The following CNTN5 variants were observed in gnomAD, a reference collection of about 807,000 sequenced individuals.
CNTN5 encodes the protein contactin-5.
In CNTN5, 77 loss-of-function variants were observed where a neutral mutation model predicts 129.1. That is an observed-to-expected ratio of 0.60 (90% CI 0.50 to 0.72). The LOEUF (loss-of-function observed/expected upper bound fraction) is 0.72. Ranked by LOEUF, CNTN5 falls within the 30% of genes least tolerant of loss-of-function variation. The pLI, the probability that CNTN5 is intolerant of heterozygous loss-of-function variation, is 0.00. For missense variants in CNTN5, 1,478 were observed against 1,328.8 expected (o/e 1.11, Z -1.75); for synonymous variants, 509 against 465.6 (o/e 1.09, Z -1.20).
intron 3 of CNTN5, among the ~76,000 whole-genome samples, chr11:99,792,069 C>T (rs953501194): frequency 9.2e-5 from 14 of 152,002 alleles, no homozygotes; most frequent in African/African-American, 3.4e-4. Context: ...ACAACTTTTC[C>T]TGTCAGGATG....
chr11:100,012,473 G>A (rs925606686), intron 9 of CNTN5, among the ~76,000 whole-genome samples: 2 of 152,142 alleles, frequency 1.3e-5, no homozygotes, highest in Non-Finnish European at 2.9e-5. Flanking sequence ...CTTTTACACT[G>A]AGAGGTGTTA....
intron 6 of CNTN5, among the ~76,000 whole-genome samples, chr11:99,891,911 C>T (rs576750812): frequency 6.6e-6 from 1 of 152,254 alleles, no homozygotes; most frequent in East Asian, 1.9e-4. Context: ...ACCACACTGT[C>T]TTCCACAATG....
intron 2 of CNTN5, among the ~76,000 whole-genome samples, chr11:99,498,814 C>G (rs1412463258): frequency 6.6e-6 from 1 of 152,158 alleles, no homozygotes; most frequent in Non-Finnish European, 1.5e-5. Flanking sequence ...AATTTTTCTT[C>G]TTGTGCACAT....
intron 1 of CNTN5, among the ~76,000 whole-genome samples, chr11:99,242,452 G>T (rs1034926244): frequency 6.6e-6 from 1 of 152,044 alleles, no homozygotes; most frequent in African/African-American, 2.4e-5. Context: ...CCTGCCACAA[G>T]AATGTAAGCT....
At chr11:99,821,403 G>A (rs900933564) in intron 4 of CNTN5, among the ~76,000 whole-genome samples, 2 of 152,074 alleles carry the variant, frequency 1.3e-5, no homozygotes, top group Non-Finnish European at 2.9e-5. Context: ...CCTATTTTGG[G>A]TAATTAGCAG....
chr11:100,288,249 C>G (rs1950849019), intron 18 of CNTN5, among the ~76,000 whole-genome samples: 1 of 152,006 alleles, frequency 6.6e-6, no homozygotes, highest in African/African-American at 2.4e-5. Context: ...AGCTCTGTAC[C>G]AAGTGGACCT....
chr11:99,858,287 T>C (rs922404878), intron 6 of CNTN5, among the ~76,000 whole-genome samples: 5 of 152,162 alleles, frequency 3.3e-5, no homozygotes, highest in African/African-American at 1.2e-4. Flanking sequence ...TTTATATCAA[T>C]TCTGTTTTCA....
intron 1 of CNTN5, among the ~76,000 whole-genome samples, chr11:99,076,408 T>C (rs1298692796): frequency 6.6e-6 from 1 of 152,076 alleles, no homozygotes; most frequent in Non-Finnish European, 1.5e-5. Context: ...GTAAAAGTGC[T>C]GTCTTAACAC....
At chr11:99,868,938 T>G (rs1252356692) in intron 6 of CNTN5, among the ~76,000 whole-genome samples, 1 of 152,136 alleles carries the variant, frequency 6.6e-6, no homozygotes, top group African/African-American at 2.4e-5. Flanking sequence ...GAACAAGTTT[T>G]AAAATGCTGA....
intron 6 of CNTN5, among the ~76,000 whole-genome samples, chr11:99,865,839 G>C: frequency 6.6e-6 from 1 of 151,962 alleles, no homozygotes; most frequent in East Asian, 1.9e-4. Context: ...GCTGTAACCT[G>C]GTTTGGTTTC....
chr11:99,291,245 T>G (rs190615947), intron 1 of CNTN5, among the ~76,000 whole-genome samples: 2 of 152,074 alleles, frequency 1.3e-5, no homozygotes, highest in Non-Finnish European at 1.5e-5. Context: ...CTTTCTTCAT[T>G]TGTCTTAATA....
chr11:99,516,668 T>C (rs1322793715), intron 2 of CNTN5, among the ~76,000 whole-genome samples: 1 of 152,090 alleles, frequency 6.6e-6, no homozygotes, highest in Non-Finnish European at 1.5e-5. Context: ...GAAAAAAAGA[T>C]TTAAGTACAC....
At chr11:100,134,757 G>A (rs922434738) in intron 13 of CNTN5, among the ~76,000 whole-genome samples, 8 of 152,040 alleles carry the variant, frequency 5.3e-5, no homozygotes, top group Admixed American at 2.0e-4. Context: ...TTCAAGATGC[G>A]GCAGAAATAA....
intron 2 of CNTN5, among the ~76,000 whole-genome samples, chr11:99,368,328 A>G (rs1445993495): frequency 6.6e-6 from 1 of 152,084 alleles, no homozygotes; most frequent in Non-Finnish European, 1.5e-5. Flanking sequence ...TTTTAGATGT[A>G]CACAGTTATT....
chr11:99,172,090 G>T (rs1861174982), intron 1 of CNTN5, among the ~76,000 whole-genome samples: 1 of 152,162 alleles, frequency 6.6e-6, no homozygotes, highest in Non-Finnish European at 1.5e-5. Context: ...TGCTTTATAT[G>T]CAGAAGGCAG....
chr11:100,147,920 T>TTTAA (rs1423943792), intron 13 of CNTN5, among the ~76,000 whole-genome samples: 2 of 152,136 alleles, frequency 1.3e-5, no homozygotes, highest in Non-Finnish European at 2.9e-5. Flanking sequence ...TTCTAAATTG[T>TTTAA]TTAATTTAGA....
At chr11:99,233,871 G>C (rs181905415) in intron 1 of CNTN5, among the ~76,000 whole-genome samples, 1 of 152,024 alleles carries the variant, frequency 6.6e-6, no homozygotes, top group Non-Finnish European at 1.5e-5. Flanking sequence ...GTGTGAACCC[G>C]GAAGGCGGAG....
At chr11:99,801,614 C>A (rs182795122) in intron 3 of CNTN5, among the ~76,000 whole-genome samples, 2 of 138,646 alleles carry the variant, frequency 1.4e-5, no homozygotes, top group African/African-American at 5.2e-5. Context: ...TATTTCTTGA[C>A]AACTTTTTTT....
intron 4 of CNTN5, among the ~76,000 whole-genome samples, chr11:99,820,652 T>C (rs1274741613): frequency 2.2e-5 from 2 of 91,716 alleles, no homozygotes; most frequent in Admixed American, 2.1e-4. Flanking sequence ...GCCATTCAGT[T>C]TTCTCAACAC....
Sources: gnomAD v4.1 joint callset for allele counts (sites outside exome capture counted in the v4.1 genomes callset) on GRCh38, gnomAD v4.1.1 for gene constraint, MANE v1.5 for transcripts, NCBI Gene and HGNC (gene_info 2026-07-23, HGNC 2026-07-21) for gene names.